Variants in PTPRC observed in about 807,000 individuals in gnomAD.
The protein encoded by PTPRC is receptor-type tyrosine-protein phosphatase C.
A neutral mutation model predicts 155.9 loss-of-function variants in PTPRC; 44 were observed. The ratio of observed to expected loss-of-function variants is 0.28; its 90% CI spans 0.22 to 0.36. PTPRC has a LOEUF of 0.36. Among genes scored for constraint, PTPRC ranks in the 10% least tolerant of loss-of-function variants. PTPRC has a pLI of 1.00. For synonymous variants in PTPRC, 525 were observed against 533.1 expected (o/e 0.98, Z 0.21); for missense variants, 1,401 against 1,564.6 (o/e 0.90, Z 1.76).
rs1463163305 is a variant in PTPRC at position 198,735,168 on chromosome 1, T to G, written c.2319T>G (p.Thr773=). ...AEYWPSMEEG[T]RAFGDVVVKI... ...ACTGGCCGTCAATGGAAGAGGGCAC[T>G]CGGGCTTTTGGAGATGTTGTTGTAA... The change falls in exon 23 of 33, where the codon ACT becomes ACG. Residue 773 remains threonine (T), a synonymous_variant. Transcript: ENST00000442510. 2 of 1,603,996 alleles carry G rather than the reference T, an allele frequency of 1.2e-6. No individual in the cohort carries two copies. Among genetic ancestry groups the G allele is most frequent in the African/African-American group, 1.3e-5 (1 of 74,630 alleles).
intron 13 of PTPRC, 67 bp from the exon 14 acceptor site, chr1:198,718,027 T>C: frequency 7.8e-7 from 1 of 1,277,712 alleles, no homozygotes; most frequent in South Asian, 1.2e-5. Flanking sequence ...TATATCCAAG[T>C]ATTGTCAAGT....
rs186345703 is a variant in PTPRC, at chr1:198,688,367, A to G, written c.74-3980A>G. On this transcript the variant is annotated intron_variant, in intron 2 of 32. Coordinates refer to ENST00000442510, the MANE Select transcript of PTPRC (RefSeq NM_002838.5). ...ATTTTGCTGCATTAAAGATGAAAAG[A>G]TTCGAGGAAATTTTGAATATGGAGC... Among the ~76,000 whole-genome samples the G allele has an allele frequency of 3.1e-4, 47 of 152,272 alleles. 1 individual carries two copies. Among genetic ancestry groups the G allele is most frequent in the African/African-American group, 1.1e-3 (46 of 41,574 alleles).
intron 2 of PTPRC, among the ~76,000 whole-genome samples, chr1:198,687,624 A>C (rs1415774282): frequency 6.6e-6 from 1 of 151,990 alleles, no homozygotes; most frequent in African/African-American, 2.4e-5. Context: ...GGGTGTGGGG[A>C]ATGTCCTTTA....
At chr1:198,716,862 T>C (rs778494034) in intron 13 of PTPRC, 22 bp downstream of exon 13, 3 of 1,610,104 alleles carry the variant, frequency 1.9e-6, no homozygotes, top group Non-Finnish European at 2.5e-6. Flanking sequence ...GTTTTAATGC[T>C]TCTTTCCATA....
At chr1:198,746,436 C>T (rs1179000226) in intron 26 of PTPRC, among the ~76,000 whole-genome samples, 1 of 151,148 alleles carries the variant, frequency 6.6e-6, no homozygotes, top group Non-Finnish European at 1.5e-5. Context: ...TGGTGGTGTC[C>T]TTAGCTGACA....
chr1:198,692,813 G>T (rs1666001522), intron 3 of PTPRC: 2 of 906,412 alleles, frequency 2.2e-6, no homozygotes, highest in Non-Finnish European at 2.6e-6. Flanking sequence ...TTTTTCAATG[G>T]TATGCAAAAC....
rs909955153 is a variant in PTPRC, at chr1:198,743,613, C to G, written c.2698-441C>G. ...ATTTTCTTATTAAAAGAATACTTTTCTTATTTTAAGTTCTAAAAACTATAA... is the reference window on the plus strand; with the variant it reads ...ATTTTCTTATTAAAAGAATACTTTTGTTATTTTAAGTTCTAAAAACTATAA... On this transcript the variant is annotated intron_variant, in intron 25 of 32. Transcript: ENST00000442510. Among the ~76,000 whole-genome samples, 13 of 151,798 alleles carry G rather than the reference C, an allele frequency of 8.6e-5. No homozygotes were observed. The East Asian group carries it at 1.8e-3, about 20-fold the overall frequency.
chr1:198,650,504 T>G (rs1280482770), intron 2 of PTPRC, among the ~76,000 whole-genome samples: 4 of 151,830 alleles, frequency 2.6e-5, no homozygotes, highest in Non-Finnish European at 5.9e-5. Context: ...TTTTAGAGAA[T>G]GACTTTTTTT....
At chr1:198,694,103 G>T in intron 3 of PTPRC, 1 of 1,547,132 alleles carries the variant, frequency 6.5e-7, no homozygotes. Context: ...CCTTCAGTTG[G>T]TGGCCAAAGG....
In PTPRC at chr1:198,735,648, A is replaced by T. The variant is rs991794423; in HGVS notation, c.2403+396A>T. ...AAGAGAAATGACAGCATTAGAGAAC[A>T]CTGTAAGAAGTATAAAGTTCTAACT... On this transcript the variant is annotated intron_variant, in intron 23 of 32. Transcript: ENST00000442510. Among the ~76,000 whole-genome samples, 7 of 151,806 alleles carry T rather than the reference A, an allele frequency of 4.6e-5. No homozygotes were observed. The East Asian group carries it at 1.4e-3, about 29-fold the overall frequency.
intron 2 of PTPRC, among the ~76,000 whole-genome samples, chr1:198,683,894 A>G (rs772588017): frequency 1.3e-5 from 2 of 152,044 alleles, no homozygotes; most frequent in Non-Finnish European, 1.5e-5. Flanking sequence ...TGTCCATGGG[A>G]AAAAAATGGG....
chr1:198,688,275 A>G (rs1249170596), intron 2 of PTPRC, among the ~76,000 whole-genome samples: 1 of 152,190 alleles, frequency 6.6e-6, no homozygotes, highest in Non-Finnish European at 1.5e-5. Flanking sequence ...TATGGGAAGT[A>G]AGCATGAACA....
chr1:198,755,543 C>T (rs1655602847), intron 32 of PTPRC, among the ~76,000 whole-genome samples: 1 of 151,986 alleles, frequency 6.6e-6, no homozygotes, highest in African/African-American at 2.4e-5. Flanking sequence ...CTTTAGGAAT[C>T]AAGAAACGCT....
intron 14 of PTPRC, among the ~76,000 whole-genome samples, chr1:198,719,269 T>C (rs545777569): frequency 2.6e-5 from 4 of 152,240 alleles, no homozygotes; most frequent in South Asian, 2.1e-4. Context: ...GGTTGAAATA[T>C]GGTATTGATA....
Position 198,708,184 on chromosome 1 carries a change from C to T in PTPRC, c.956C>T (p.Thr319Ile). 5 of 1,604,806 alleles carry T rather than the reference C, an allele frequency of 3.1e-6. No homozygotes were observed. The highest frequency in any genetic ancestry group is 4.3e-6 in the Non-Finnish European group (5 of 1,172,228). ...TGTACACAAGTTGAAAAAGCAGATA[C>T]TACTATTTGTTTAAAATGGAAAAAT... is the stretch of plus-strand genomic sequence containing the variant. ...HDCTQVEKAD[T>I]TICLKWKNIE... Residue 319 changes from threonine (T) to isoleucine (I), a missense_variant, in exon 10 of 33, where the codon ACT (threonine) becomes ATT (isoleucine). Physicochemically the swap from Thr to Ile is moderately conservative, Grantham distance 89. This residue lies in a region of PTPRC where 867 missense variants were observed against 970.4 expected (regional missense o/e 0.89). Coordinates refer to ENST00000442510, the MANE Select transcript of PTPRC (RefSeq NM_002838.5).
At chr1:198,670,725 T>C (rs963010313) in intron 2 of PTPRC, among the ~76,000 whole-genome samples, 2 of 152,186 alleles carry the variant, frequency 1.3e-5, no homozygotes, top group Admixed American at 6.5e-5. Flanking sequence ...CTTAAAAGAT[T>C]TTTTCATGTG....
Position 198,704,095 on chromosome 1 carries a change from C to T in PTPRC, c.659-377C>T, listed in dbSNP as rs1033539289. Among the ~76,000 whole-genome samples the T allele has an allele frequency of 1.4e-4, 21 of 152,014 alleles. No individual in the cohort carries two copies. The East Asian group carries it at 3.7e-3, about 27-fold the overall frequency. On this transcript the variant is annotated intron_variant, in intron 7 of 32. Transcript: ENST00000442510. ...TTATGTAAATGAAAAGTATAAACTT[C>T]GTACTATGGGGGTTATAATTATATA...
chr1:198,658,324 C>A (rs1416411358), intron 2 of PTPRC, among the ~76,000 whole-genome samples: 1 of 152,092 alleles, frequency 6.6e-6, no homozygotes, highest in Non-Finnish European at 1.5e-5. Context: ...GATAGACTGA[C>A]ACTATGACTG....
intron 23 of PTPRC, among the ~76,000 whole-genome samples, chr1:198,740,893 G>C (rs1394997924): frequency 2.6e-5 from 4 of 151,828 alleles, no homozygotes; most frequent in Non-Finnish European, 5.9e-5. Flanking sequence ...AGGGCTTTTA[G>C]TAATCTAAAT....
Sources: gnomAD v4.1 joint callset for allele counts (sites outside exome capture counted in the v4.1 genomes callset) on GRCh38, gnomAD v4.1.1 for gene constraint, gnomAD v4.1.1 regional missense constraint, MANE v1.5 for transcripts, NCBI Gene and HGNC (gene_info 2026-07-23, HGNC 2026-07-21) for gene names.